Variants in PLPP4 observed in about 807,000 individuals in gnomAD.
PLPP4 encodes the protein diacylglycerol pyrophosphate like 2.
In PLPP4, 20 loss-of-function variants were observed where a neutral mutation model predicts 32.2. The ratio of observed to expected loss-of-function variants is 0.62; its 90% CI spans 0.44 to 0.90. The LOEUF (loss-of-function observed/expected upper bound fraction) is 0.90. PLPP4 is among the 40% of genes least tolerant of loss of function. PLPP4 has a pLI of 0.00. For missense variants in PLPP4, 257 were observed against 353.1 expected (o/e 0.73, Z 2.18); for synonymous variants, 127 against 133.0 (o/e 0.95, Z 0.31).
chr10:120,503,616 A>G, intron 1 of PLPP4: 4 of 1,609,326 alleles, frequency 2.5e-6, no homozygotes, highest in Non-Finnish European at 3.4e-6. Context: ...TAGTGATGGA[A>G]GAGTCTGCAA....
At chr10:120,486,221 C>T (rs1844440311) in intron 1 of PLPP4, among the ~76,000 whole-genome samples, 1 of 151,814 alleles carries the variant, frequency 6.6e-6, no homozygotes, top group Admixed American at 6.6e-5. Flanking sequence ...GCAGCCCCGT[C>T]AACCTCCATC....
intron 5 of PLPP4, among the ~76,000 whole-genome samples, chr10:120,565,198 T>A (rs1269306295): frequency 6.6e-6 from 1 of 152,202 alleles, no homozygotes; most frequent in Non-Finnish European, 1.5e-5. Context: ...ACCACCAACC[T>A]CTGCATACTT....
At chr10:120,526,923 T>C (rs1846419897) in intron 5 of PLPP4, among the ~76,000 whole-genome samples, 1 of 152,066 alleles carries the variant, frequency 6.6e-6, no homozygotes. Context: ...GGTGTGTAGA[T>C]TGAGCTGTCT....
chr10:120,530,467 A>G (rs933895500), intron 5 of PLPP4, among the ~76,000 whole-genome samples: 4 of 152,154 alleles, frequency 2.6e-5, no homozygotes, highest in African/African-American at 9.7e-5. Flanking sequence ...TGAAATCCAT[A>G]TATGTTAAGT....
intron 1 of PLPP4, among the ~76,000 whole-genome samples, chr10:120,476,115 A>C (rs1843893975): frequency 6.6e-6 from 1 of 152,088 alleles, no homozygotes; most frequent in Non-Finnish European, 1.5e-5. Context: ...GCTGCAGTGG[A>C]GCTGGGACTT....
At chr10:120,473,019 T>A (rs1319669797) in intron 1 of PLPP4, among the ~76,000 whole-genome samples, 1 of 152,206 alleles carries the variant, frequency 6.6e-6, no homozygotes, top group Non-Finnish European at 1.5e-5. Context: ...TTCCCTATCA[T>A]CTTTTAACAT....
intron 5 of PLPP4, among the ~76,000 whole-genome samples, chr10:120,555,253 G>GA (rs1234148330): frequency 6.6e-6 from 1 of 152,118 alleles, no homozygotes; most frequent in Non-Finnish European, 1.5e-5. Context: ...AAGCTAGACT[G>GA]AAAAAAGATC....
intron 2 of PLPP4, among the ~76,000 whole-genome samples, chr10:120,510,646 G>A (rs2133883776): frequency 6.6e-6 from 1 of 152,234 alleles, no homozygotes; most frequent in African/African-American, 2.4e-5. Flanking sequence ...GAGGTGGTGG[G>A]GTGCTTACTC....
At chr10:120,531,913 CACAT>C (rs1270846926) in intron 5 of PLPP4, among the ~76,000 whole-genome samples, 3 of 151,494 alleles carry the variant, frequency 2.0e-5, no homozygotes, top group Middle Eastern at 3.2e-3. Context: ...TATATATACA[CACAT>C]ACATATTTTA....
At chr10:120,542,583 G>T (rs1334094341) in intron 5 of PLPP4, among the ~76,000 whole-genome samples, 2 of 152,172 alleles carry the variant, frequency 1.3e-5, no homozygotes, top group Non-Finnish European at 2.9e-5. Flanking sequence ...AGACGAGCTG[G>T]CTGCCTCCCC....
intron 5 of PLPP4, among the ~76,000 whole-genome samples, chr10:120,569,895 C>A (rs936189441): frequency 1.3e-5 from 2 of 152,200 alleles, no homozygotes; most frequent in African/African-American, 4.8e-5. Context: ...GGTGTGAAAA[C>A]AAACAGGCAG....
chr10:120,578,072 T>C (rs1035804184), intron 6 of PLPP4, among the ~76,000 whole-genome samples: 4 of 152,226 alleles, frequency 2.6e-5, no homozygotes, highest in Admixed American at 6.5e-5. Context: ...CAAGGAGTTA[T>C]GCAGCCCCAA....
chr10:120,475,982 C>A (rs1164094951), intron 1 of PLPP4, among the ~76,000 whole-genome samples: 2 of 152,222 alleles, frequency 1.3e-5, no homozygotes, highest in Non-Finnish European at 2.9e-5. Context: ...CAGGCTCGGA[C>A]ATGCATTGAT....
chr10:120,562,782 C>A (rs994222344), intron 5 of PLPP4, among the ~76,000 whole-genome samples: 1 of 152,118 alleles, frequency 6.6e-6, no homozygotes. Context: ...TGATAATATT[C>A]TGTTTAAGAC....
Position 120,471,171 on chromosome 10 carries a change from T to C in PLPP4, c.56+13810T>C, listed in dbSNP as rs115336987. Among the ~76,000 whole-genome samples the C allele has an allele frequency of 6.0e-3, 920 of 152,314 alleles. 9 individuals are homozygous for C. Among genetic ancestry groups the C allele is most frequent in the African/African-American group, 0.021 (872 of 41,582 alleles). Reference sequence around the variant, plus strand: ...ATTAAAATTTTCTGTAGTCTTATTCTTTTAATTTTGTCTTTTTAATTTGAA... The same window carrying C: ...ATTAAAATTTTCTGTAGTCTTATTCCTTTAATTTTGTCTTTTTAATTTGAA... On this transcript the variant is annotated intron_variant, in intron 1 of 6. Transcript: ENST00000398250.
chr10:120,547,849 T>C (rs1847706222), intron 5 of PLPP4, among the ~76,000 whole-genome samples: 1 of 152,194 alleles, frequency 6.6e-6, no homozygotes, highest in South Asian at 2.1e-4. Flanking sequence ...TTTGTGACTT[T>C]GATAATTGCT....
At chr10:120,584,428 G>T (rs535266926) in intron 6 of PLPP4, among the ~76,000 whole-genome samples, 1 of 152,334 alleles carries the variant, frequency 6.6e-6, no homozygotes, top group African/African-American at 2.4e-5. Flanking sequence ...CATTCGTTCA[G>T]CCTGTGTCCT....
intron 2 of PLPP4, among the ~76,000 whole-genome samples, chr10:120,507,235 A>T (rs1386465109): frequency 6.6e-6 from 1 of 152,104 alleles, no homozygotes; most frequent in African/African-American, 2.4e-5. Flanking sequence ...CTTGGGAGGT[A>T]CCCTCAGGGA....
At position 120,560,506 on chromosome 10, in the gene PLPP4, G is replaced by A. The variant is rs570933013; in HGVS notation, c.446-14625G>A. On this transcript the variant is annotated intron_variant, in intron 5 of 6. Coordinates refer to ENST00000398250, the MANE Select transcript of PLPP4 (RefSeq NM_001030059.3). The stretch of plus-strand genomic sequence containing the variant: ...GCAGTGGCTCACGCCTGTAATCCCA[G>A]CACTTTGGGAGGCCGAGGCAGGCAC... Among the ~76,000 whole-genome samples, 3 of 152,320 alleles carry A rather than the reference G, an allele frequency of 2.0e-5. No homozygotes were observed. In the East Asian group the frequency reaches 5.8e-4, roughly 29 times the overall value.
Sources: gnomAD v4.1 joint callset for allele counts (sites outside exome capture counted in the v4.1 genomes callset) on GRCh38, gnomAD v4.1.1 for gene constraint, MANE v1.5 for transcripts, NCBI Gene and HGNC (gene_info 2026-07-23, HGNC 2026-07-21) for gene names.